SGF29: variants seen among roughly 807,000 people sequenced by gnomAD.
SGF29 encodes the protein SAGA-associated factor 29.
In SGF29, 15 loss-of-function variants were observed where a neutral mutation model predicts 38.1. The ratio of observed to expected loss-of-function variants is 0.39; its 90% CI spans 0.26 to 0.61. SGF29 has a LOEUF of 0.61. Ranked by LOEUF, SGF29 falls within the 20% of genes least tolerant of loss-of-function variation. SGF29 has a pLI of 0.49. For missense variants in SGF29, 184 were observed against 394.6 expected, an observed-to-expected ratio of 0.47 and a Z score of 4.52; for synonymous variants, 151 against 160.8, an observed-to-expected ratio of 0.94 and a Z score of 0.46.
intron 1 of SGF29, among the ~76,000 whole-genome samples, chr16:28,570,377 T>C (rs34670173): frequency 2.0e-5 from 3 of 152,136 alleles, no homozygotes; most frequent in Non-Finnish European, 4.4e-5. Context: ...TTCTTCTTTG[T>C]TGTTTCTCTC....
intron 1 of SGF29, among the ~76,000 whole-genome samples, chr16:28,555,626 C>T (rs573511096): frequency 2.0e-5 from 3 of 152,150 alleles, no homozygotes; most frequent in South Asian, 2.1e-4. Context: ...TGAGAAGTCC[C>T]GAGATTTGCC....
chr16:28,561,269 G>C (rs2046787771), intron 1 of SGF29, among the ~76,000 whole-genome samples: 1 of 151,822 alleles, frequency 6.6e-6, no homozygotes, highest in East Asian at 1.9e-4. Context: ...AGTGGCTCAC[G>C]CCTGTAATCC....
At chr16:28,579,015 G>A (rs2046910720) in intron 1 of SGF29, among the ~76,000 whole-genome samples, 2 of 152,094 alleles carry the variant, frequency 1.3e-5, no homozygotes, top group South Asian at 4.1e-4. Context: ...TCGAGCTCCT[G>A]GACTCAAACC....
At chr16:28,581,006 C>T (rs1295694031) in intron 1 of SGF29, 49 bp from the exon 2 acceptor site, 2 of 1,380,734 alleles carry the variant, frequency 1.4e-6, no homozygotes, top group Non-Finnish European at 1.0e-6. Context: ...ACAGTTCAGC[C>T]CACAGCAGCC....
chr16:28,581,748 G>A (rs1416219714), intron 2 of SGF29, among the ~76,000 whole-genome samples: 1 of 151,858 alleles, frequency 6.6e-6, no homozygotes, highest in Non-Finnish European at 1.5e-5. Context: ...CATGTTGGCT[G>A]TCTCTACTAA....
At chr16:28,576,821 A>T (rs1161037652) in intron 1 of SGF29, among the ~76,000 whole-genome samples, 1 of 152,184 alleles carries the variant, frequency 6.6e-6, no homozygotes, top group Admixed American at 6.6e-5. Flanking sequence ...ATGAACTGAC[A>T]TGTAAAATAT....
Position 28,581,060 on chromosome 16 carries a change from C to T in SGF29, c.-10C>T, listed in dbSNP as rs2046922323. On this transcript the variant is annotated 5_prime_UTR_variant, in exon 2 of 10. Transcript: ENST00000317058. ...TGTCCTCGCTCCCCCACCAGGTGCCCCTGTAGACAATGGCCCTCGTGTCTG... is the reference window on the plus strand; with the variant it reads ...TGTCCTCGCTCCCCCACCAGGTGCCTCTGTAGACAATGGCCCTCGTGTCTG... 4 of 1,613,062 alleles carry T rather than the reference C, an allele frequency of 2.5e-6. No individual in the cohort carries two copies. The highest frequency in any genetic ancestry group is 2.5e-6 in the Non-Finnish European group (3 of 1,179,436).
At chr16:28,580,775 A>G (rs978198415) in intron 1 of SGF29, among the ~76,000 whole-genome samples, 2 of 152,112 alleles carry the variant, frequency 1.3e-5, no homozygotes, top group Non-Finnish European at 2.9e-5. Context: ...TCAACCCCCT[A>G]GGGCCTAGCG....
In SGF29 at chr16:28,564,553, A is replaced by ATATATATACG. The variant is rs1555474743; in HGVS notation, c.-16+10464_-16+10465insCGTATATATA. 3.0e-4 allele frequency among the ~76,000 whole-genome samples: 33 copies of ATATATATACG among 108,718 alleles called. 1 individual carries two copies. Among genetic ancestry groups the ATATATATACG allele is most frequent in the Admixed American group, 7.3e-4 (7 of 9,616 alleles). 71.3% of individuals were successfully genotyped at this position (108,718 alleles called of 152,430 possible). On this transcript the variant is annotated intron_variant, in intron 1 of 9. Coordinates refer to ENST00000317058, the MANE Select transcript of SGF29 (RefSeq NM_138414.3). ...TATATATATATGTATATATATACGT[A>ATATATATACG]TATATATATATACGTATATATATAC...
At chr16:28,584,134 G>A (rs1387367321) in intron 2 of SGF29, among the ~76,000 whole-genome samples, 3 of 150,880 alleles carry the variant, frequency 2.0e-5, no homozygotes, top group Non-Finnish European at 4.4e-5. Context: ...AGGACTATAC[G>A]CACATGCTAC....
Position 28,590,692 on chromosome 16 carries a change from A to G in SGF29, c.602+26A>G. 2 of 1,614,062 alleles carry G rather than the reference A, an allele frequency of 1.2e-6. No homozygotes were observed. Among genetic ancestry groups the G allele is most frequent in the Non-Finnish European group, 1.7e-6 (2 of 1,179,950 alleles). On this transcript the variant is annotated intron_variant, in intron 8 of 9. Coordinates refer to ENST00000317058, the MANE Select transcript of SGF29 (RefSeq NM_138414.3). This position sits in a 1 kb window ranked among gnomAD's most constrained non-coding sequence, Gnocchi z 8.2. ...GTGAGTGTCCAGGCCAGGGCAGGGC[A>G]TGGAGCCTGGGGGCAGCCTAACAGC...
At chr16:28,564,213 C>T (rs993119818) in intron 1 of SGF29, among the ~76,000 whole-genome samples, 3 of 151,834 alleles carry the variant, frequency 2.0e-5, no homozygotes, top group Admixed American at 1.3e-4. Context: ...CAGAGCAGTG[C>T]GGGACTGGAA....
At chr16:28,554,340 C>T (rs543246752) in intron 1 of SGF29, among the ~76,000 whole-genome samples, 23 of 152,082 alleles carry the variant, frequency 1.5e-4, no homozygotes, top group Admixed American at 1.0e-3. Context: ...TGCGTGCTTC[C>T]ATCCCCGGCG....
At chr16:28,556,645 C>G (rs1180073703) in intron 1 of SGF29, among the ~76,000 whole-genome samples, 3 of 151,508 alleles carry the variant, frequency 2.0e-5, no homozygotes, top group Non-Finnish European at 4.4e-5. Context: ...TTGCGCCCAA[C>G]CTACTTATGT....
Position 28,588,681 on chromosome 16 carries a change from C to T in SGF29, c.225-419C>T, listed in dbSNP as rs1371726915. On this transcript the variant is annotated intron_variant, in intron 4 of 9. Transcript: ENST00000317058. ...CCAGGTTCAAGCGATTCTCTTGCCT[C>T]AGCCTCCCAAGTAGGTGGGATTACA... The T allele has an allele frequency of 1.2e-5, 5 of 410,104 alleles. No homozygotes were observed. The East Asian group carries it at 2.3e-4, about 18-fold the overall frequency. 25.4% of individuals were successfully genotyped at this position (410,104 alleles called of 1,614,324 possible). A position where few individuals can be genotyped will look rare whatever the true frequency, so the allele number is the denominator to read the frequency against.
chr16:28,568,287 T>C (rs1596599541), intron 1 of SGF29, among the ~76,000 whole-genome samples: 1 of 114,826 alleles, frequency 8.7e-6, no homozygotes, highest in South Asian at 2.7e-4. Flanking sequence ...CACTCTAGCC[T>C]GGGCAGCAAG....
intron 4 of SGF29, among the ~76,000 whole-genome samples, chr16:28,587,150 T>C (rs1178509830): frequency 6.6e-6 from 1 of 152,180 alleles, no homozygotes; most frequent in Non-Finnish European, 1.5e-5. Flanking sequence ...CTGGCCTCCA[T>C]TGCATAATTA....
rs2046980871 is a variant in SGF29, at chr16:28,590,289, C to A, written c.420-7C>A. ...GGGCTGGGACTGACCCTTTGTTCCA[C>A]TCACAGGCCCCCACCCCTCTGTGGG... On this transcript the variant is annotated splice_region_variant and splice_polypyrimidine_tract_variant and intron_variant, in intron 6 of 9. Coordinates refer to ENST00000317058, the MANE Select transcript of SGF29 (RefSeq NM_138414.3). The surrounding 1 kb of genome is among the most constrained non-coding windows in gnomAD (Gnocchi z 8.2). 1 of 1,608,422 alleles carries A rather than the reference C, an allele frequency of 6.2e-7. No individual in the cohort carries two copies. The highest frequency in any genetic ancestry group is 1.7e-5 in the Admixed American group (1 of 58,862).
rs546803368 is a variant in SGF29 at position 28,563,316 on chromosome 16, T to C, written c.-16+9219T>C. Among the ~76,000 whole-genome samples, 4 of 152,276 alleles carry C rather than the reference T, an allele frequency of 2.6e-5. No homozygotes were observed. The South Asian group carries it at 8.3e-4, about 32-fold the overall frequency. ...GGGACATCAAGGCAGTGGGCACAGTTAGATGGTCCACTTTGAAAGTTCGTG... is the reference window on the plus strand; with the variant it reads ...GGGACATCAAGGCAGTGGGCACAGTCAGATGGTCCACTTTGAAAGTTCGTG... On this transcript the variant is annotated intron_variant, in intron 1 of 9. Coordinates refer to ENST00000317058, the MANE Select transcript of SGF29 (RefSeq NM_138414.3).
Sources: gnomAD v4.1 joint callset for allele counts (sites outside exome capture counted in the v4.1 genomes callset) on GRCh38, gnomAD v4.1.1 for gene constraint, Gnocchi (gnomAD v3.1) non-coding constraint, MANE v1.5 for transcripts, NCBI Gene and HGNC (gene_info 2026-07-23, HGNC 2026-07-21) for gene names.